SHE: variants seen among roughly 807,000 people sequenced by gnomAD.
SHE encodes Src homology 2 domain containing E, also known as SH2 domain-containing adapter protein E.
A neutral mutation model predicts 49.8 loss-of-function variants in SHE; 11 were observed. That is an observed-to-expected ratio of 0.22 (90% CI 0.14 to 0.37). SHE has a LOEUF of 0.37. Ranked by LOEUF, SHE falls within the 10% of genes least tolerant of loss-of-function variation. The pLI, the probability that SHE is intolerant of heterozygous loss-of-function variation, is 1.00. For missense variants in SHE, 624 were observed against 655.5 expected, an observed-to-expected ratio of 0.95 and a Z score of 0.52; for synonymous variants, 310 against 278.1, an observed-to-expected ratio of 1.11 and a Z score of -1.14.
At chr1:154,473,562 G>C (rs1159336331) in intron 1 of SHE, among the ~76,000 whole-genome samples, 1 of 152,096 alleles carries the variant, frequency 6.6e-6, no homozygotes, top group Non-Finnish European at 1.5e-5. Flanking sequence ...CGGCACTTTG[G>C]GAGGCTGAAG....
exon 2 of SHE, chr1:154,469,928 A>C (rs1226473297): frequency 1.7e-5 from 3 of 171,628 alleles, no homozygotes; most frequent in Non-Finnish European, 3.8e-5. Flanking sequence ...CACATCTTCC[A>C]AACAGAGGAA....
At chr1:154,486,390 G>A (rs1213970440) in intron 4 of SHE, 137 bp downstream of exon 4, 2 of 1,232,260 alleles carry the variant, frequency 1.6e-6, no homozygotes, top group African/African-American at 1.5e-5. Context: ...TTTGAAGATG[G>A]GTTTTCATTA....
intron 3 of SHE, among the ~76,000 whole-genome samples, chr1:154,487,702 A>C (rs1382071091): frequency 2.0e-5 from 3 of 151,372 alleles, no homozygotes; most frequent in African/African-American, 7.3e-5. Context: ...ATTAAAGAAT[A>C]ATCCGGGAGT....
In SHE at chr1:154,479,870, C is replaced by A; in HGVS notation, c.*4279G>T. The stretch of plus-strand genomic sequence containing the variant: ...GTATTAGACTTCAAAACACCCTTTC[C>A]GCAGGAAAGGGCATTTTTCAAGATG... On this transcript the variant is annotated 3_prime_UTR_variant, in exon 6 of 6. Transcript: ENST00000304760. 4.1e-6 allele frequency: 4 copies of A among 985,422 alleles called. No homozygotes were observed. The highest frequency in any genetic ancestry group is 4.8e-6 in the Non-Finnish European group (4 of 829,930). The allele number at this position is 985,422 out of a possible 1,614,324, so 61.0% of individuals were successfully genotyped here. A position where few individuals can be genotyped will look rare whatever the true frequency, so the allele number is the denominator to read the frequency against.
Position 154,483,711 on chromosome 1 carries a change from G to T in SHE, c.*438C>A. The T allele has an allele frequency of 1.0e-6, 1 of 993,312 alleles. No homozygotes were observed. The highest frequency in any genetic ancestry group is 4.6e-5 in the South Asian group (1 of 21,918). The allele number at this position is 993,312 out of a possible 1,614,324, so 61.5% of individuals were successfully genotyped here. A position where few individuals can be genotyped will look rare whatever the true frequency, so the allele number is the denominator to read the frequency against. ...GAATCACTTTAAGACCAAAGACTTG[G>T]CCGGGTGCAGTGGCTCATGCCTGTA... On this transcript the variant is annotated 3_prime_UTR_variant, in exon 6 of 6. Coordinates refer to ENST00000304760, the MANE Select transcript of SHE (RefSeq NM_001010846.3).
chr1:154,495,553 C>T (rs1468165358), intron 2 of SHE, among the ~76,000 whole-genome samples: 3 of 152,138 alleles, frequency 2.0e-5, no homozygotes, highest in Admixed American at 6.5e-5. Context: ...TCAGTTTCCT[C>T]TGCCCCTGAG....
At chr1:154,498,659 G>C (rs1276752589) in intron 2 of SHE, among the ~76,000 whole-genome samples, 1 of 152,094 alleles carries the variant, frequency 6.6e-6, no homozygotes, top group East Asian at 1.9e-4. Flanking sequence ...CTCTCCCAAA[G>C]TGCTGGGATT....
At chr1:154,489,396 C>A in intron 2 of SHE, 40 bp from the exon 3 acceptor site, 2 of 1,584,088 alleles carry the variant, frequency 1.3e-6, no homozygotes, top group Non-Finnish European at 8.6e-7. Flanking sequence ...ACACACCATA[C>A]ACAATGTCTT....
At chr1:154,472,081 G>A (rs1010414184) in intron 1 of SHE, among the ~76,000 whole-genome samples, 152 of 152,006 alleles carry the variant, frequency 1.0e-3, no homozygotes, top group Non-Finnish European at 1.4e-3. Context: ...GCTGAGGCAT[G>A]AGAATCGCTT....
chr1:154,470,160 C>T (rs1241177476), exon 2 of SHE: 2 of 425,470 alleles, frequency 4.7e-6, no homozygotes, highest in Non-Finnish European at 8.6e-6. Flanking sequence ...CTCTTTGAGG[C>T]TGGTCCTTGT....
rs768431472 is a variant in SHE, at chr1:154,501,939, G to A, written c.88C>T (p.Arg30Ter). The change falls in exon 1 of 6, where the codon CGA becomes TGA. Residue 30 changes from arginine (R) to a stop codon, truncating the protein, a stop_gained. Transcript: ENST00000304760. LOFTEE classifies it high-confidence loss of function. Reference protein sequence around the residue: ...ACSTAPTLLGRAGRGPLMAAK... With the variant: ...ACSTAPTLLG The stretch of plus-strand genomic sequence containing the variant: ...GCCATGAGGGGGCCCCGGCCGGCTC[G>A]GCCCAGGAGCGTCGGGGCCGTGGAG... 2 of 1,462,944 alleles carry A rather than the reference G, an allele frequency of 1.4e-6. No individual in the cohort carries two copies. Among genetic ancestry groups the A allele is most frequent in the South Asian group, 1.4e-5 (1 of 73,990 alleles). 90.6% of individuals were successfully genotyped at this position (1,462,944 alleles called of 1,614,324 possible). A position where few individuals can be genotyped will look rare whatever the true frequency, so the allele number is the denominator to read the frequency against.
chr1:154,494,170 T>C (rs1570853242), intron 2 of SHE, among the ~76,000 whole-genome samples: 1 of 152,202 alleles, frequency 6.6e-6, no homozygotes, highest in East Asian at 1.9e-4. Context: ...CTCATATCTT[T>C]GATCAGTGCT....
At chr1:154,496,445 C>A (rs1358854038) in intron 2 of SHE, among the ~76,000 whole-genome samples, 1 of 152,160 alleles carries the variant, frequency 6.6e-6, no homozygotes, top group East Asian at 1.9e-4. Context: ...ACATTTATTC[C>A]ATGTTGGACA....
chr1:154,480,908 CAAGT>C lies in SHE; in HGVS notation c.*3237_*3240del, dbSNP rs1030161499. 5.8e-5 allele frequency: 57 copies of C among 985,216 alleles called. No homozygotes were observed. The highest frequency in any genetic ancestry group is 3.4e-4 in the East Asian group (3 of 8,824). The allele number at this position is 985,216 out of a possible 1,614,324, so 61.0% of individuals were successfully genotyped here. ...ACTGAACTTGTCCAGTCATCGCAAG[CAAGT>C]ATTTTTTTTAAAGAAGGTGTGATCA... is the stretch of plus-strand genomic sequence containing the variant. On this transcript the variant is annotated 3_prime_UTR_variant, in exon 6 of 6. Coordinates refer to ENST00000304760, the MANE Select transcript of SHE (RefSeq NM_001010846.3).
Position 154,480,647 on chromosome 1 carries a change from TA to T in SHE, c.*3501del. ...CCAACAGCAAAGAATAAAGGCTTTC[TA>T]AAATGCTTAAGAAAGTGCTTTGAAT... On this transcript the variant is annotated 3_prime_UTR_variant, in exon 6 of 6. Coordinates refer to ENST00000304760, the MANE Select transcript of SHE (RefSeq NM_001010846.3). 1 of 985,452 alleles carries T rather than the reference TA, an allele frequency of 1.0e-6. No individual in the cohort carries two copies. Among genetic ancestry groups the T allele is most frequent in the South Asian group, 4.7e-5 (1 of 21,288 alleles). 61.0% of individuals were successfully genotyped at this position (985,452 alleles called of 1,614,324 possible).
chr1:154,486,079 G>A lies in SHE; in HGVS notation c.1182-17C>T, dbSNP rs763206034. 2 of 1,608,160 alleles carry A rather than the reference G, an allele frequency of 1.2e-6. No homozygotes were observed. The highest frequency in any genetic ancestry group is 2.7e-5 in the African/African-American group (2 of 74,976). Reference sequence around the variant, plus strand: ...TGATACCAGCTGAAAAATGGGGGTGGAAGAGGGGAAAGCACCATGAGTGTC... The same window carrying A: ...TGATACCAGCTGAAAAATGGGGGTGAAAGAGGGGAAAGCACCATGAGTGTC... On this transcript the variant is annotated splice_polypyrimidine_tract_variant and intron_variant, in intron 4 of 5. Transcript: ENST00000304760.
At chr1:154,488,992 T>C in intron 3 of SHE, 59 bp downstream of exon 3, 2 of 1,504,552 alleles carry the variant, frequency 1.3e-6, no homozygotes, top group Non-Finnish European at 1.8e-6. Context: ...AATGTGGGGC[T>C]GATGCGGTGG....
intron 2 of SHE, among the ~76,000 whole-genome samples, chr1:154,495,669 G>C (rs1440874113): frequency 6.6e-6 from 1 of 151,984 alleles, no homozygotes; most frequent in African/African-American, 2.4e-5. Flanking sequence ...TGAGGTCCAA[G>C]GGCAGAAATC....
At chr1:154,501,374 T>C in intron 1 of SHE, 62 bp downstream of exon 1, 1 of 1,523,776 alleles carries the variant, frequency 6.6e-7, no homozygotes, top group Non-Finnish European at 9.0e-7. Context: ...AGCCTAGGGC[T>C]TAGCAGGCGC....
Sources: allele counts gnomAD v4.1 joint callset (sites outside exome capture counted in the v4.1 genomes callset), GRCh38; gene constraint gnomAD v4.1.1; transcripts MANE v1.5; gene names NCBI Gene and HGNC (gene_info 2026-07-23, HGNC 2026-07-21).